The following LRMDA variants were observed in gnomAD, a reference collection of about 807,000 sequenced individuals.
The protein encoded by LRMDA is leucine rich melanocyte differentiation associated.
Under a neutral mutation model 29.8 loss-of-function variants are expected in LRMDA, and 18 were observed. That is an observed-to-expected ratio of 0.60 (90% confidence interval 0.42 to 0.90). LRMDA has a LOEUF of 0.90. Among genes scored for constraint, LRMDA ranks in the 40% least tolerant of loss-of-function variants. The probability of loss-of-function intolerance (pLI) is 0.00; values close to 1 mark genes in which losing one functional copy is unlikely to be tolerated. For synonymous variants in LRMDA, 125 were observed against 109.4 expected, an observed-to-expected ratio of 1.14 and a Z score of -0.89; for missense variants, 273 against 273.9, an observed-to-expected ratio of 1.00 and a Z score of 0.02.
intron 5 of LRMDA, among the ~76,000 whole-genome samples, chr10:76,213,409 TGTTA>T (rs1851671332): frequency 6.6e-6 from 1 of 152,250 alleles, no homozygotes; most frequent in Non-Finnish European, 1.5e-5. Context: ...TAATTATCTC[TGTTA>T]GTTGTAATCT....
chr10:75,982,449 C>T (rs955712276), intron 2 of LRMDA, among the ~76,000 whole-genome samples: 3 of 152,244 alleles, frequency 2.0e-5, no homozygotes, highest in South Asian at 2.1e-4. Flanking sequence ...TTCCCATACA[C>T]GAGACCATTG....
At chr10:75,597,806 G>C (rs537944082) in intron 2 of LRMDA, among the ~76,000 whole-genome samples, 2 of 152,328 alleles carry the variant, frequency 1.3e-5, no homozygotes, top group South Asian at 4.2e-4. Flanking sequence ...AGCTTTTTCT[G>C]AATTACCTGC....
At chr10:75,506,483 G>GT (rs200291163) in intron 2 of LRMDA, among the ~76,000 whole-genome samples, 921 of 25,466 alleles carry the variant, frequency 0.036, 8 homozygotes, top group African/African-American at 0.24. Context: ...CATTTCTGTT[G>GT]TTTTTTTTTG....
intron 5 of LRMDA, among the ~76,000 whole-genome samples, chr10:76,214,248 A>G (rs1300521550): frequency 6.6e-6 from 1 of 152,152 alleles, no homozygotes; most frequent in African/African-American, 2.4e-5. Context: ...CTGCACAATG[A>G]AAGAATTGGC....
At chr10:75,877,298 G>A (rs1353736849) in intron 2 of LRMDA, among the ~76,000 whole-genome samples, 1 of 152,174 alleles carries the variant, frequency 6.6e-6, no homozygotes, top group Non-Finnish European at 1.5e-5. Flanking sequence ...GCCATGAGTT[G>A]GCCTCGTCTG....
chr10:76,254,413 G>GCTATGCTATA (rs1564701595), intron 5 of LRMDA, among the ~76,000 whole-genome samples: 3 of 144,880 alleles, frequency 2.1e-5, no homozygotes, highest in Non-Finnish European at 3.0e-5. Flanking sequence ...GCTATGCTAT[G>GCTATGCTATA]CTATACTATA....
chr10:75,673,528 G>T (rs1184871906), intron 2 of LRMDA, among the ~76,000 whole-genome samples: 3 of 152,240 alleles, frequency 2.0e-5, no homozygotes, highest in South Asian at 4.1e-4. Flanking sequence ...ACTCCCAGGA[G>T]ACCTGGACCC....
At chr10:76,537,096 T>C (rs1843299872) in intron 6 of LRMDA, among the ~76,000 whole-genome samples, 2 of 152,368 alleles carry the variant, frequency 1.3e-5, no homozygotes, top group Non-Finnish European at 1.5e-5. Flanking sequence ...TTATTTCCGA[T>C]ATTCAAATAG....
rs938421820 is a variant in LRMDA, at chr10:75,514,685, C to A, written c.131+76191C>A. 5.3e-5 allele frequency among the ~76,000 whole-genome samples: 8 copies of A among 152,152 alleles called. No homozygotes were observed. In the South Asian group the frequency reaches 1.7e-3, roughly 32 times the overall value. On this transcript the variant is annotated intron_variant, in intron 2 of 6. Coordinates refer to ENST00000611255, the MANE Select transcript of LRMDA (RefSeq NM_001305581.2). ...TGGTATCTCCCTCCTCCTCTTGCTC[C>A]TTTGTCTTGCCATGTGTCAGGCCCT...
At chr10:75,680,990 G>T (rs1253693168) in intron 2 of LRMDA, among the ~76,000 whole-genome samples, 3 of 152,090 alleles carry the variant, frequency 2.0e-5, no homozygotes, top group African/African-American at 7.2e-5. Context: ...TGTCTTTTTA[G>T]CATATTAAAT....
intron 2 of LRMDA, among the ~76,000 whole-genome samples, chr10:75,523,429 G>A (rs770345609): frequency 3.5e-4 from 53 of 152,108 alleles, no homozygotes; most frequent in Admixed American, 9.2e-4. Context: ...TCTGCTGCCC[G>A]GGGGCCTCTG....
chr10:75,803,808 G>A (rs1843797601), intron 2 of LRMDA, among the ~76,000 whole-genome samples: 1 of 152,090 alleles, frequency 6.6e-6, no homozygotes, highest in Admixed American at 6.6e-5. Flanking sequence ...TGTACATTTG[G>A]CTCAGATACC....
chr10:75,881,414 A>G (rs1297426061), intron 2 of LRMDA, among the ~76,000 whole-genome samples: 1 of 152,174 alleles, frequency 6.6e-6, no homozygotes, highest in Non-Finnish European at 1.5e-5. Flanking sequence ...CTAGAACTGA[A>G]TCAAAAGGAA....
chr10:76,482,540 G>T (rs770707259), intron 6 of LRMDA, among the ~76,000 whole-genome samples: 1 of 151,814 alleles, frequency 6.6e-6, no homozygotes, highest in African/African-American at 2.4e-5. Flanking sequence ...CATTCTGATT[G>T]TCTAGTATGT....
intron 5 of LRMDA, among the ~76,000 whole-genome samples, chr10:76,082,011 T>C (rs1182923561): frequency 6.6e-6 from 1 of 152,154 alleles, no homozygotes. Flanking sequence ...CAAATCCTCA[T>C]CCTTCAGCCT....
chr10:76,461,522 G>A (rs757848792), intron 6 of LRMDA, among the ~76,000 whole-genome samples: 21 of 152,146 alleles, frequency 1.4e-4, no homozygotes, highest in Non-Finnish European at 2.5e-4. Context: ...CTTAGCAAAT[G>A]TTCTTCCCCG....
At chr10:75,447,441 C>T (rs746842319) in intron 2 of LRMDA, among the ~76,000 whole-genome samples, 1 of 151,884 alleles carries the variant, frequency 6.6e-6, no homozygotes, top group Non-Finnish European at 1.5e-5. Context: ...CAGGAGAATT[C>T]CTTGAACCCA....
At chr10:75,448,496 TA>T (rs1410325678) in intron 2 of LRMDA, among the ~76,000 whole-genome samples, 1 of 152,204 alleles carries the variant, frequency 6.6e-6, no homozygotes, top group Non-Finnish European at 1.5e-5. Flanking sequence ...CTGGAGAATT[TA>T]ACCCTTTCAG....
intron 2 of LRMDA, among the ~76,000 whole-genome samples, chr10:75,787,002 C>T (rs1403294871): frequency 6.6e-6 from 1 of 152,154 alleles, no homozygotes; most frequent in Non-Finnish European, 1.5e-5. Flanking sequence ...GTGCTTATGA[C>T]CACCTTGGGG....
Sources: allele counts gnomAD v4.1 joint callset (sites outside exome capture counted in the v4.1 genomes callset), GRCh38; gene constraint gnomAD v4.1.1; transcripts MANE v1.5; gene names NCBI Gene and HGNC (gene_info 2026-07-23, HGNC 2026-07-21).